Variants in TRIM23 observed in about 807,000 individuals in gnomAD.
TRIM23 encodes the protein E3 ubiquitin-protein ligase TRIM23.
TRIM23 carries 27 observed loss-of-function variants against 71.0 expected under a neutral mutation model. The observed-to-expected ratio is 0.38, with a 90% CI of 0.28 to 0.52. TRIM23 has a LOEUF of 0.52. Among genes scored for constraint, TRIM23 ranks in the 20% least tolerant of loss-of-function variants. The probability of loss-of-function intolerance (pLI) is 0.84; values close to 1 mark genes in which losing one functional copy is unlikely to be tolerated. For synonymous variants in TRIM23, 234 were observed against 238.0 expected (o/e 0.98, Z 0.16); for missense variants, 482 against 692.3 (o/e 0.70, Z 3.41).
Position 65,624,154 on chromosome 5 carries a change from G to C in TRIM23, c.81+40C>G, listed in dbSNP as rs764217332. ...CCAGGTCTCCAGGATGAACCGAAGG[G>C]AGGCCGATGGTGGAGAATAGAGCAC... On this transcript the variant is annotated intron_variant, in intron 1 of 10. Coordinates refer to ENST00000231524, the MANE Select transcript of TRIM23 (RefSeq NM_001656.4). 10 of 1,613,106 alleles carry C rather than the reference G, an allele frequency of 6.2e-6. No individual in the cohort carries two copies. In the South Asian group the frequency reaches 8.8e-5, roughly 14 times the overall value.
intron 7 of TRIM23, among the ~76,000 whole-genome samples, chr5:65,601,185 G>T (rs957864723): frequency 6.6e-6 from 1 of 152,200 alleles, no homozygotes; most frequent in African/African-American, 2.4e-5. Flanking sequence ...AGAGATATTT[G>T]TACACTCACG....
intron 6 of TRIM23, among the ~76,000 whole-genome samples, chr5:65,607,335 C>A (rs1024797261): frequency 3.9e-5 from 6 of 152,156 alleles, no homozygotes; most frequent in African/African-American, 1.4e-4. Flanking sequence ...TCACCCAAAT[C>A]TCATCTCGAA....
intron 6 of TRIM23, among the ~76,000 whole-genome samples, chr5:65,606,322 T>C (rs1366970241): frequency 6.6e-6 from 1 of 152,048 alleles, no homozygotes; most frequent in African/African-American, 2.4e-5. Flanking sequence ...GGCTTGCCCC[T>C]GTAGTCCAGG....
chr5:65,620,196 C>G (rs1754891721), intron 1 of TRIM23, among the ~76,000 whole-genome samples: 2 of 152,148 alleles, frequency 1.3e-5, no homozygotes, highest in Non-Finnish European at 2.9e-5. Flanking sequence ...AAAGCAGACA[C>G]TCTCATACAT....
At chr5:65,609,221 T>C in intron 6 of TRIM23, 22 bp downstream of exon 6, 1 of 1,613,032 alleles carries the variant, frequency 6.2e-7, no homozygotes. Flanking sequence ...ACTAAGTCCC[T>C]AACCACATTT....
chr5:65,607,576 G>C (rs1013362782), intron 6 of TRIM23, among the ~76,000 whole-genome samples: 1 of 152,254 alleles, frequency 6.6e-6, no homozygotes, highest in African/African-American at 2.4e-5. Flanking sequence ...ATGCAAACCT[G>C]TAAATTAAGC....
At chr5:65,610,732 C>T in intron 5 of TRIM23, 129 bp downstream of exon 5, 2 of 693,668 alleles carry the variant, frequency 2.9e-6, no homozygotes, top group Non-Finnish European at 4.5e-6. Flanking sequence ...AAGACAGGGA[C>T]TTTTAAAAAA....
At chr5:65,605,698 T>TA (rs1422571098) in intron 6 of TRIM23, among the ~76,000 whole-genome samples, 1 of 152,198 alleles carries the variant, frequency 6.6e-6, no homozygotes, top group Non-Finnish European at 1.5e-5. Context: ...GTTTCTTGAA[T>TA]ATTATTCCAG....
chr5:65,614,459 G>T (rs550264022), intron 2 of TRIM23, among the ~76,000 whole-genome samples: 1 of 152,070 alleles, frequency 6.6e-6, no homozygotes, highest in East Asian at 1.9e-4. Flanking sequence ...TTTTGGCCAG[G>T]TGCTTTGGCC....
rs773869519 is a variant in TRIM23 at position 65,614,232 on chromosome 5, T to C, written c.245-13A>G. Reference sequence around the variant, plus strand: ...ACACCTGAATCACCTAGAATAAATATAAAAACAAAAACTAAATCTAACAAA... The same window carrying C: ...ACACCTGAATCACCTAGAATAAATACAAAAACAAAAACTAAATCTAACAAA... On this transcript the variant is annotated splice_polypyrimidine_tract_variant and intron_variant, in intron 2 of 10. Coordinates refer to ENST00000231524, the MANE Select transcript of TRIM23 (RefSeq NM_001656.4). 1.2e-6 allele frequency: 2 copies of C among 1,609,730 alleles called. No individual in the cohort carries two copies. Among genetic ancestry groups the C allele is most frequent in the African/African-American group, 1.3e-5 (1 of 74,842 alleles).
intron 6 of TRIM23, 65 bp from the exon 7 acceptor site, chr5:65,605,110 T>C (rs1219730867): frequency 2.1e-6 from 3 of 1,421,330 alleles, no homozygotes; most frequent in Non-Finnish European, 2.8e-6. Flanking sequence ...GAGACTTATA[T>C]TACCAACTCA....
chr5:65,609,422 G>A lies in TRIM23; in HGVS notation c.865C>T (p.Arg289Ter). 2 of 1,613,978 alleles carry A rather than the reference G, an allele frequency of 1.2e-6. No individual in the cohort carries two copies. The highest frequency in any genetic ancestry group is 1.7e-6 in the Non-Finnish European group (2 of 1,179,984). Residue 289 changes from arginine (R) to a stop codon, truncating the protein, a stop_gained, in exon 6 of 11, where the codon CGA becomes TGA. Coordinates refer to ENST00000231524, the MANE Select transcript of TRIM23 (RefSeq NM_001656.4). LOFTEE classifies it high-confidence loss of function. ...TCATGTAGATCATAAAAATAAGCTC[G>A]AATACATGACCGGGCATTCTCTGCA... is the stretch of plus-strand genomic sequence containing the variant. ...GTAENARSCI[R>*]AYFYDLHETL... is the part of the protein sequence containing the mutation.
intron 3 of TRIM23, among the ~76,000 whole-genome samples, chr5:65,613,186 CAAAT>C (rs1223554816): frequency 3.9e-5 from 6 of 152,016 alleles, no homozygotes; most frequent in Non-Finnish European, 5.9e-5. Context: ...CCAGACCTGA[CAAAT>C]AAATAAATTA....
intron 3 of TRIM23, 138 bp from the exon 4 acceptor site, chr5:65,612,019 A>G (rs1754664007): frequency 1.2e-6 from 1 of 828,786 alleles, no homozygotes; most frequent in African/African-American, 1.7e-5. Context: ...ATTAAGAACA[A>G]AGGTCATTCA....
At chr5:65,610,813 T>C (rs371437000) in intron 5 of TRIM23, 48 bp downstream of exon 5, 4 of 1,486,402 alleles carry the variant, frequency 2.7e-6, no homozygotes, top group Non-Finnish European at 3.6e-6. Flanking sequence ...GGTGAAAATA[T>C]GAAAAATAAA....
At chr5:65,613,810 A>C (rs1045155637) in intron 3 of TRIM23, 2 of 1,318,574 alleles carry the variant, frequency 1.5e-6, no homozygotes, top group African/African-American at 3.0e-5. Context: ...TATCTTTCTT[A>C]CTATTCCATA....
At chr5:65,596,328 T>G (rs1754205621) in intron 9 of TRIM23, 93 bp downstream of exon 9, 2 of 870,982 alleles carry the variant, frequency 2.3e-6, no homozygotes, top group Non-Finnish European at 3.7e-6. Context: ...GTCAACGACT[T>G]AATCATAAGT....
At chr5:65,597,242 C>A (rs186926420) in intron 7 of TRIM23, 62 bp from the exon 8 acceptor site, 1 of 1,527,732 alleles carries the variant, frequency 6.5e-7, no homozygotes, top group East Asian at 2.3e-5. Flanking sequence ...GCATTTAGCA[C>A]CTTTATTATT....
chr5:65,603,027 T>G (rs914164686), intron 7 of TRIM23, among the ~76,000 whole-genome samples: 1 of 152,188 alleles, frequency 6.6e-6, no homozygotes, highest in African/African-American at 2.4e-5. Flanking sequence ...TGGATGAATT[T>G]TGATGACAGG....
Sources: gnomAD v4.1 joint callset for allele counts (sites outside exome capture counted in the v4.1 genomes callset) on GRCh38, gnomAD v4.1.1 for gene constraint, MANE v1.5 for transcripts, NCBI Gene and HGNC (gene_info 2026-07-23, HGNC 2026-07-21) for gene names.